Variants in TLE5 observed in about 807,000 individuals in gnomAD.
TLE5 encodes TLE family member 5.
TLE5 carries 7 observed loss-of-function variants against 25.8 expected under a neutral mutation model. The observed-to-expected ratio is 0.27, with a 90% CI of 0.15 to 0.51. TLE5 has a LOEUF of 0.51. Among genes scored for constraint, TLE5 ranks in the 20% least tolerant of loss-of-function variants. The probability of loss-of-function intolerance (pLI) is 0.97; values close to 1 mark genes in which losing one functional copy is unlikely to be tolerated. For missense variants in TLE5, 149 were observed against 250.7 expected, an observed-to-expected ratio of 0.59 and a Z score of 2.74; for synonymous variants, 132 against 110.5, an observed-to-expected ratio of 1.20 and a Z score of -1.22.
In TLE5 at chr19:3,053,864, G is replaced by A. The variant is rs185556019; in HGVS notation, c.549C>T (p.His183=). 2.1e-4 allele frequency: 332 copies of A among 1,613,210 alleles called. 1 individual carries two copies. Among genetic ancestry groups the A allele is most frequent in the East Asian group, 4.5e-5 (2 of 44,870 alleles). The change falls in exon 7 of 7, where the codon CAC becomes CAT. Residue 183 remains histidine (H), a synonymous_variant. Transcript: ENST00000327141. ...CATCCTCCTGGTGGGTGTCACCATCGTGCCCGTTCTTGTCTTCCTTGGAGA... is the reference window on the plus strand; with the variant it reads ...CATCCTCCTGGTGGGTGTCACCATCATGCCCGTTCTTGTCTTCCTTGGAGA... ...AHLSKEDKNG[H]DGDTHQEDDG...
chr19:3,053,244 T>C lies in TLE5; in HGVS notation c.*575A>G, dbSNP rs1382426158. ...CCTGCTCCTCCCAGCTCAGCTAAGC[T>C]CGTCCCTCGTGCCCCCCCTTTTGTG... is the stretch of plus-strand genomic sequence containing the variant. On this transcript the variant is annotated 3_prime_UTR_variant, in exon 7 of 7. Transcript: ENST00000327141. 6.5e-6 allele frequency: 1 copy of C among 153,100 alleles called. No homozygotes were observed. The highest frequency in any genetic ancestry group is 1.5e-5 in the Non-Finnish European group (1 of 68,754). 9.5% of individuals were successfully genotyped at this position (153,100 alleles called of 1,614,324 possible). A position where few individuals can be genotyped will look rare whatever the true frequency, so the allele number is the denominator to read the frequency against.
chr19:3,056,667 T>G, intron 3 of TLE5: 1 of 567,988 alleles, frequency 1.8e-6, no homozygotes. Flanking sequence ...AGAACACGCA[T>G]TCCAGGGCTC....
intron 5 of TLE5, chr19:3,055,288 G>A (rs1207331926): frequency 6.0e-6 from 1 of 165,884 alleles, no homozygotes; most frequent in African/African-American, 2.4e-5. Flanking sequence ...ACACCCTCTA[G>A]TCCTTGGTCC....
chr19:3,061,891 G>GC (rs1555697656), intron 1 of TLE5, among the ~76,000 whole-genome samples: 2 of 145,646 alleles, frequency 1.4e-5, no homozygotes, highest in East Asian at 2.1e-4. Context: ...CGGGTTGGGG[G>GC]GGGGGGGCGC....
chr19:3,057,037 G>C (rs2090225263), intron 3 of TLE5, among the ~76,000 whole-genome samples: 1 of 152,134 alleles, frequency 6.6e-6, no homozygotes, highest in Non-Finnish European at 1.5e-5. Context: ...TATTCTTCTG[G>C]CTGGGAGGGT....
In TLE5 at chr19:3,055,748, G is replaced by A. The variant is rs753093212; in HGVS notation, c.235-22C>T. ...CAGCCTGGAACACACAGATGAAGCC[G>A]GCTTCAGTCCTGGGCGGGTGGCAGG... On this transcript the variant is annotated intron_variant, in intron 4 of 6. Transcript: ENST00000327141. 6.3e-6 allele frequency: 10 copies of A among 1,596,302 alleles called. No individual in the cohort carries two copies. The East Asian group carries it at 1.1e-4, about 18-fold the overall frequency.
chr19:3,059,669 A>C (rs1397903041), intron 2 of TLE5, among the ~76,000 whole-genome samples: 1 of 152,184 alleles, frequency 6.6e-6, no homozygotes. Context: ...CCCTCGTTGG[A>C]CAGCAGGAAG....
chr19:3,054,087 C>CGGGGGGGGGCG, intron 6 of TLE5, 33 bp downstream of exon 6: 4 of 1,476,372 alleles, frequency 2.7e-6, no homozygotes, highest in Non-Finnish European at 2.7e-6. Context: ...GCCCACCTGT[C>CGGGGGGGGGCG]CCCCGCCCAC....
chr19:3,058,057 A>C (rs916509893), intron 2 of TLE5, among the ~76,000 whole-genome samples: 2 of 151,380 alleles, frequency 1.3e-5, no homozygotes, highest in African/African-American at 4.9e-5. Flanking sequence ...GGGGCTGAGG[A>C]CATTGAATTG....
At chr19:3,056,753 C>T (rs928182455) in intron 3 of TLE5, 11 of 325,256 alleles carry the variant, frequency 3.4e-5, no homozygotes, top group African/African-American at 2.3e-4. Context: ...TAGGTATAAA[C>T]AGTGAGGGGT....
At position 3,057,252 on chromosome 19, in the gene TLE5, G is replaced by A. The variant is rs761825666; in HGVS notation, c.189+427C>T. On this transcript the variant is annotated intron_variant, in intron 3 of 6. Coordinates refer to ENST00000327141, the MANE Select transcript of TLE5 (RefSeq NM_001130.6). ...CACATCAGCCCCCCGAAATGGGTAGGGCTCAGACCCCCTCCCACAGGCTTC... is the reference window on the plus strand; with the variant it reads ...CACATCAGCCCCCCGAAATGGGTAGAGCTCAGACCCCCTCCCACAGGCTTC... 5.3e-5 allele frequency among the ~76,000 whole-genome samples: 8 copies of A among 152,222 alleles called. No homozygotes were observed. The East Asian group carries it at 5.8e-4, about 11-fold the overall frequency.
At chr19:3,062,605 C>A, upstream of TLE5, 3 of 1,066,064 alleles carry the variant, frequency 2.8e-6, no homozygotes, top group Non-Finnish European at 3.4e-6. Flanking sequence ...TGCGGATCCC[C>A]ACGCCGGCCC....
chr19:3,054,086 T>TCCACCCCCCCCC, intron 6 of TLE5, 34 bp downstream of exon 6: 1 of 1,512,818 alleles, frequency 6.6e-7, no homozygotes. Flanking sequence ...GGCCCACCTG[T>TCCACCCCCCCCC]CCCCCGCCCA....
intron 4 of TLE5, 155 bp downstream of exon 4, chr19:3,056,157 G>A: frequency 3.7e-6 from 2 of 539,002 alleles, no homozygotes; most frequent in Non-Finnish European, 6.5e-6. Context: ...GCGGGAGCTT[G>A]GGGAGGGCTT....
intron 2 of TLE5, among the ~76,000 whole-genome samples, chr19:3,059,794 G>A (rs1010397153): frequency 6.6e-6 from 1 of 152,132 alleles, no homozygotes; most frequent in African/African-American, 2.4e-5. Flanking sequence ...GGTCAGCCCC[G>A]GGGCTCACCA....
chr19:3,055,360 A>AG (rs1460510304), intron 5 of TLE5: 4 of 246,308 alleles, frequency 1.6e-5, no homozygotes, highest in Non-Finnish European at 7.8e-6. Context: ...AAGAGAGATG[A>AG]GAAAAAAACA....
upstream of TLE5, chr19:3,062,875 A>C (rs548672451): frequency 1.7e-4 from 240 of 1,452,278 alleles, 2 homozygotes; most frequent in South Asian, 2.8e-3. Flanking sequence ...CCTTTTCTGC[A>C]GAAAGGCAGC....
At chr19:3,055,988 G>GGGGTC (rs1213501024) in intron 4 of TLE5, 4 of 524,834 alleles carry the variant, frequency 7.6e-6, no homozygotes, top group Admixed American at 6.9e-5. Context: ...ACATTCCTCG[G>GGGGTC]GGGTCGGCCA....
intron 2 of TLE5, among the ~76,000 whole-genome samples, chr19:3,059,480 C>T (rs1266898572): frequency 6.6e-6 from 1 of 152,292 alleles, no homozygotes; most frequent in South Asian, 2.1e-4. Flanking sequence ...CGAGATCGCG[C>T]CACTGCACTC....
Sources: gnomAD v4.1 joint callset for allele counts (sites outside exome capture counted in the v4.1 genomes callset) on GRCh38, gnomAD v4.1.1 for gene constraint, MANE v1.5 for transcripts, NCBI Gene and HGNC (gene_info 2026-07-23, HGNC 2026-07-21) for gene names.